PDE1A: variants seen among roughly 807,000 people sequenced by gnomAD.
PDE1A encodes dual specificity calcium/calmodulin-dependent 3',5'-cyclic nucleotide phosphodiesterase 1A.
In PDE1A, 35 loss-of-function variants were observed where a neutral mutation model predicts 61.7. That is an observed-to-expected ratio of 0.57 (90% CI 0.43 to 0.75). The LOEUF is 0.75. Among genes scored for constraint, PDE1A ranks in the 30% least tolerant of loss-of-function variants. The pLI is 0.00. For missense variants in PDE1A, 597 were observed against 630.6 expected, an observed-to-expected ratio of 0.95 and a Z score of 0.57; for synonymous variants, 232 against 213.2, an observed-to-expected ratio of 1.09 and a Z score of -0.77.
chr2:182,547,977 GA>G, the PDE1A span, among the ~76,000 whole-genome samples: 1 of 152,152 alleles, frequency 6.6e-6, no homozygotes, highest in Non-Finnish European at 1.5e-5. Context: ...GAGATGTGTA[GA>G]TATGGGAATT....
intron 2 of PDE1A, among the ~76,000 whole-genome samples, chr2:182,438,576 A>T (rs1684590879): frequency 6.6e-6 from 1 of 151,982 alleles, no homozygotes; most frequent in South Asian, 2.1e-4. Context: ...TTGGAAGTTC[A>T]TCAGGGGAAA....
At chr2:182,170,635 G>A (rs1235002907) in intron 13 of PDE1A, among the ~76,000 whole-genome samples, 2 of 151,958 alleles carry the variant, frequency 1.3e-5, no homozygotes, top group South Asian at 2.1e-4. Flanking sequence ...TGTGATGCTG[G>A]AGACTTACTT....
chr2:182,155,174 C>T (rs1691009744), intron 13 of PDE1A, among the ~76,000 whole-genome samples: 1 of 151,018 alleles, frequency 6.6e-6, no homozygotes, highest in African/African-American at 2.4e-5. Flanking sequence ...GCAGCCTCCA[C>T]CTCCTGGGCT....
the PDE1A span, among the ~76,000 whole-genome samples, chr2:182,671,848 T>G: frequency 6.6e-6 from 1 of 151,794 alleles, no homozygotes; most frequent in South Asian, 2.1e-4. Context: ...CTCGACCTCC[T>G]GACCTCATGA....
intron 1 of PDE1A, among the ~76,000 whole-genome samples, chr2:182,341,344 T>C (rs539363759): frequency 4.6e-5 from 7 of 152,302 alleles, no homozygotes; most frequent in East Asian, 1.9e-4. Context: ...TTTGTATGAG[T>C]TGTGCTTGTA....
chr2:182,227,604 G>T (rs999162363), intron 6 of PDE1A, among the ~76,000 whole-genome samples: 1 of 152,036 alleles, frequency 6.6e-6, no homozygotes, highest in African/African-American at 2.4e-5. Flanking sequence ...CACTAGGTTA[G>T]GTGCCTTGCA....
chr2:182,201,297 T>A, intron 10 of PDE1A, 142 bp downstream of exon 10: 1 of 930,764 alleles, frequency 1.1e-6, no homozygotes, highest in South Asian at 1.7e-5. Flanking sequence ...GACTAATAAA[T>A]TTTGCTGAAA....
intron 1 of PDE1A, among the ~76,000 whole-genome samples, chr2:182,418,246 C>T (rs1026210044): frequency 1.3e-5 from 2 of 152,052 alleles, no homozygotes; most frequent in Admixed American, 6.6e-5. Flanking sequence ...TTCATTAAGT[C>T]GGCTAGCATG....
chr2:182,541,946 G>T, the PDE1A span, among the ~76,000 whole-genome samples: 1 of 152,072 alleles, frequency 6.6e-6, no homozygotes, highest in African/African-American at 2.4e-5. Context: ...TTAAGGAGAG[G>T]CCCGAATATT....
intron 2 of PDE1A, among the ~76,000 whole-genome samples, chr2:182,521,769 AAT>A (rs2125991571): frequency 6.6e-6 from 1 of 152,262 alleles, no homozygotes; most frequent in African/African-American, 2.4e-5. Context: ...ATATGCTGTT[AAT>A]ATTTTTATCA....
At chr2:182,708,522 A>G in the PDE1A span, among the ~76,000 whole-genome samples, 8 of 152,172 alleles carry the variant, frequency 5.3e-5, no homozygotes, top group Non-Finnish European at 1.2e-4. Context: ...TTATAAAGGA[A>G]GGAGGTTTAA....
intron 1 of PDE1A, among the ~76,000 whole-genome samples, chr2:182,344,029 C>A (rs1229270056): frequency 1.3e-5 from 2 of 151,984 alleles, no homozygotes; most frequent in Admixed American, 1.3e-4. Context: ...CGCCACCATG[C>A]CTGGCTAATT....
chr2:182,426,045 T>G (rs1364907373), intron 1 of PDE1A, among the ~76,000 whole-genome samples: 1 of 152,174 alleles, frequency 6.6e-6, no homozygotes, highest in African/African-American at 2.4e-5. Flanking sequence ...GGTCACAGAT[T>G]CCACCACAGT....
intron 1 of PDE1A, among the ~76,000 whole-genome samples, chr2:182,322,417 G>A (rs1199975759): frequency 1.3e-5 from 2 of 152,270 alleles, no homozygotes; most frequent in East Asian, 3.9e-4. Context: ...TCATGATAAT[G>A]AATATGTCTC....
intron 7 of PDE1A, among the ~76,000 whole-genome samples, chr2:182,211,469 C>T (rs969410725): frequency 6.6e-6 from 1 of 152,176 alleles, no homozygotes; most frequent in African/African-American, 2.4e-5. Context: ...CAACTTTGTG[C>T]TTCTCCTTTA....
intron 13 of PDE1A, among the ~76,000 whole-genome samples, chr2:182,181,052 A>G (rs935175454): frequency 2.0e-5 from 3 of 151,858 alleles, no homozygotes; most frequent in African/African-American, 7.3e-5. Context: ...AGCTCAGCAG[A>G]GTTTGTTATT....
chr2:182,692,234 G>C, the PDE1A span, among the ~76,000 whole-genome samples: 1 of 151,838 alleles, frequency 6.6e-6, no homozygotes, highest in African/African-American at 2.4e-5. Context: ...CGTTTATTGC[G>C]GCACTACTCA....
chr2:182,651,042 T>A, the PDE1A span, among the ~76,000 whole-genome samples: 3 of 152,206 alleles, frequency 2.0e-5, no homozygotes, highest in Non-Finnish European at 2.9e-5. Context: ...GTTTCGCTCT[T>A]GTTGCCCAGA....
chr2:182,622,613 T>C, the PDE1A span, among the ~76,000 whole-genome samples: 2 of 152,348 alleles, frequency 1.3e-5, no homozygotes, highest in East Asian at 1.9e-4. Context: ...TGAATGTATA[T>C]TAATTTTACA....
Sources: allele counts gnomAD v4.1 joint callset (sites outside exome capture counted in the v4.1 genomes callset), GRCh38; gene constraint gnomAD v4.1.1; transcripts MANE v1.5; gene names NCBI Gene and HGNC (gene_info 2026-07-23, HGNC 2026-07-21).